The following VPS13C variants were observed in gnomAD, a reference collection of about 807,000 sequenced individuals.
The protein encoded by VPS13C is intermembrane lipid transfer protein VPS13C.
A neutral mutation model predicts 456.8 loss-of-function variants in VPS13C; 358 were observed. The observed-to-expected ratio is 0.78, with a 90% CI of 0.72 to 0.86. The LOEUF (loss-of-function observed/expected upper bound fraction) is 0.86, where lower values mean the gene tolerates loss of function less well. Among genes scored for constraint, VPS13C ranks in the 40% least tolerant of loss-of-function variants. The pLI, the probability that VPS13C is intolerant of heterozygous loss-of-function variation, is 0.00. For synonymous variants in VPS13C, 1,578 were observed against 1,486.7 expected (o/e 1.06, Z -1.41); for missense variants, 4,818 against 4,385.4 (o/e 1.10, Z -2.79).
intron 82 of VPS13C, among the ~76,000 whole-genome samples, chr15:61,861,697 T>C (rs1353617898): frequency 6.6e-6 from 1 of 152,282 alleles, no homozygotes; most frequent in Admixed American, 6.5e-5. Context: ...AAATGTTATT[T>C]TTAAGAATAC....
intron 62 of VPS13C, among the ~76,000 whole-genome samples, chr15:61,913,109 G>A (rs1480594716): frequency 6.6e-6 from 1 of 151,006 alleles, no homozygotes; most frequent in African/African-American, 2.4e-5. Flanking sequence ...CAACCATTGT[G>A]GAAGTCAGTG....
At chr15:62,041,417 C>A (rs2048237641) in intron 2 of VPS13C, 51 bp from the exon 3 acceptor site, 1 of 1,530,342 alleles carries the variant, frequency 6.5e-7, no homozygotes, top group Non-Finnish European at 8.9e-7. Context: ...TGAAGCCAAC[C>A]CAAAAATCAC....
chr15:62,041,992 C>T (rs891021151), intron 2 of VPS13C, among the ~76,000 whole-genome samples: 9 of 152,036 alleles, frequency 5.9e-5, no homozygotes, highest in Non-Finnish European at 7.4e-5. Context: ...AATTTAAACA[C>T]ATAGACAATG....
intron 27 of VPS13C, among the ~76,000 whole-genome samples, chr15:61,970,439 A>G (rs1014449269): frequency 1.3e-5 from 2 of 152,210 alleles, no homozygotes; most frequent in Admixed American, 1.3e-4. Context: ...ATACTGAAAA[A>G]AGGCAAAAAA....
At chr15:62,001,908 T>C (rs191668007) in intron 15 of VPS13C, among the ~76,000 whole-genome samples, 208 of 152,304 alleles carry the variant, frequency 1.4e-3, no homozygotes, top group African/African-American at 4.1e-3. Flanking sequence ...TTTCTTAATC[T>C]AGTCTATCAT....
At chr15:61,876,911 A>C in intron 75 of VPS13C, 62 bp downstream of exon 75, 1 of 1,291,112 alleles carries the variant, frequency 7.7e-7, no homozygotes, top group Non-Finnish European at 1.1e-6. Flanking sequence ...ATACAGTCAC[A>C]TGCAAATGTT....
intron 1 of VPS13C, among the ~76,000 whole-genome samples, chr15:62,048,262 C>CA (rs1200143462): frequency 1.1e-5 from 1 of 90,622 alleles, no homozygotes; most frequent in Non-Finnish European, 2.4e-5. Flanking sequence ...CCCCACCCCC[C>CA]CCAACAGGCC....
chr15:61,981,574 T>C, intron 21 of VPS13C, 96 bp from the exon 22 acceptor site: 1 of 1,330,858 alleles, frequency 7.5e-7, no homozygotes, highest in South Asian at 1.6e-5. Context: ...TTGAAAAGTA[T>C]TACAGGTCGG....
chr15:61,986,464 G>C (rs1485764440), intron 18 of VPS13C, among the ~76,000 whole-genome samples: 1 of 152,014 alleles, frequency 6.6e-6, no homozygotes, highest in East Asian at 1.9e-4. Context: ...AACAGATAAA[G>C]AACTTGGAAA....
chr15:62,045,741 G>C (rs2048378944), intron 1 of VPS13C, among the ~76,000 whole-genome samples: 1 of 152,036 alleles, frequency 6.6e-6, no homozygotes, highest in East Asian at 1.9e-4. Context: ...TTGCAGTATT[G>C]GGAGGGAAAG....
At chr15:61,995,354 T>A (rs1418668082) in intron 16 of VPS13C, among the ~76,000 whole-genome samples, 1 of 152,204 alleles carries the variant, frequency 6.6e-6, no homozygotes, top group East Asian at 1.9e-4. Context: ...CGTTTGTTTT[T>A]CTCACATGTT....
intron 18 of VPS13C, among the ~76,000 whole-genome samples, chr15:61,988,165 A>T (rs371646123): frequency 6.6e-6 from 1 of 152,248 alleles, no homozygotes; most frequent in Non-Finnish European, 1.5e-5. Flanking sequence ...TCACGGTGAC[A>T]TAAGTTATAA....
In VPS13C at chr15:61,933,117, T is replaced by G. The variant is rs531491330; in HGVS notation, c.5868+1102A>C. ...GTGAGAAGTGATAGAAAAAAGTAAA[T>G]GTTTATTCAAAGAAAAACCTGACAG... On this transcript the variant is annotated intron_variant, in intron 49 of 84. Coordinates refer to ENST00000644861, the MANE Select transcript of VPS13C (RefSeq NM_020821.3). Among the ~76,000 whole-genome samples, 9 of 152,260 alleles carry G rather than the reference T, an allele frequency of 5.9e-5. No individual in the cohort carries two copies. In the South Asian group the frequency reaches 1.9e-3, roughly 32 times the overall value.
chr15:61,966,264 AATTTT>A, intron 29 of VPS13C, 122 bp from the exon 30 acceptor site: 2 of 516,268 alleles, frequency 3.9e-6, no homozygotes. Context: ...CTGTATATTT[AATTTT>A]ATTGCCATTA....
Position 62,007,534 on chromosome 15 carries a change from A to G in VPS13C, c.1119-55T>C, listed in dbSNP as rs1017444759. On this transcript the variant is annotated intron_variant, in intron 14 of 84. Coordinates refer to ENST00000644861, the MANE Select transcript of VPS13C (RefSeq NM_020821.3). Reference sequence around the variant, plus strand: ...TTAATATAAAGGTTTAAGAGAAAACAGGAAAAGTCTTGACATTTTAGATCT... The same window carrying G: ...TTAATATAAAGGTTTAAGAGAAAACGGGAAAAGTCTTGACATTTTAGATCT... 2.4e-5 allele frequency: 34 copies of G among 1,414,814 alleles called. No homozygotes were observed. In the African/African-American group the frequency reaches 4.8e-4, roughly 20 times the overall value. The allele number at this position is 1,414,814 out of a possible 1,614,324, so 87.6% of individuals were successfully genotyped here. A position where few individuals can be genotyped will look rare whatever the true frequency, so the allele number is the denominator to read the frequency against.
chr15:61,985,309 T>G (rs1596425793), intron 18 of VPS13C, among the ~76,000 whole-genome samples: 1 of 152,196 alleles, frequency 6.6e-6, no homozygotes, highest in African/African-American at 2.4e-5. Flanking sequence ...CAGGCTGGAG[T>G]GCAGTGGCAC....
At chr15:61,997,253 A>C (rs2046419379) in intron 16 of VPS13C, among the ~76,000 whole-genome samples, 1 of 152,162 alleles carries the variant, frequency 6.6e-6, no homozygotes, top group Non-Finnish European at 1.5e-5. Context: ...ACATTCATAC[A>C]GCTTCCCTAT....
chr15:62,022,236 A>G (rs2047488804), intron 8 of VPS13C, among the ~76,000 whole-genome samples: 3 of 151,830 alleles, frequency 2.0e-5, no homozygotes, highest in Non-Finnish European at 4.4e-5. Flanking sequence ...TAAATATACT[A>G]GGTTTTTTCC....
chr15:62,015,866 T>G (rs573791264), intron 9 of VPS13C, among the ~76,000 whole-genome samples: 1 of 135,410 alleles, frequency 7.4e-6, no homozygotes, highest in East Asian at 2.2e-4. Context: ...CGCACCAGCA[T>G]GGCACATGTA....
Sources: allele counts gnomAD v4.1 joint callset (sites outside exome capture counted in the v4.1 genomes callset), GRCh38; gene constraint gnomAD v4.1.1; transcripts MANE v1.5; gene names NCBI Gene and HGNC (gene_info 2026-07-23, HGNC 2026-07-21).